MACROD2: variants seen among roughly 807,000 people sequenced by gnomAD.
The protein encoded by MACROD2 is ADP-ribose glycohydrolase MACROD2.
In MACROD2, 36 loss-of-function variants were observed where a neutral mutation model predicts 70.4. That is an observed-to-expected ratio of 0.51 (90% confidence interval 0.39 to 0.68). MACROD2 has a LOEUF of 0.68. MACROD2 is among the 30% of genes least tolerant of loss of function. The probability of loss-of-function intolerance (pLI) is 0.00; values close to 1 mark genes in which losing one functional copy is unlikely to be tolerated. For missense variants in MACROD2, 496 were observed against 538.4 expected (o/e 0.92, Z 0.78); for synonymous variants, 172 against 178.8 (o/e 0.96, Z 0.30).
intron 5 of MACROD2, among the ~76,000 whole-genome samples, chr20:15,045,744 T>C (rs368911293): frequency 1.6e-4 from 22 of 134,718 alleles, no homozygotes; most frequent in African/African-American, 5.3e-4. Flanking sequence ...TTTTTTTTTT[T>C]CCCTTTCTGA....
At chr20:15,449,122 C>T (rs2046606881) in intron 7 of MACROD2, among the ~76,000 whole-genome samples, 1 of 152,068 alleles carries the variant, frequency 6.6e-6, no homozygotes, top group South Asian at 2.1e-4. Context: ...AAACTGGGGA[C>T]CATGTGGCAT....
At chr20:14,989,520 G>C (rs1361626420) in intron 5 of MACROD2, among the ~76,000 whole-genome samples, 2 of 152,184 alleles carry the variant, frequency 1.3e-5, no homozygotes. Flanking sequence ...ACTCAAGAGA[G>C]AGTCAGGTGC....
intron 5 of MACROD2, among the ~76,000 whole-genome samples, chr20:15,109,550 G>T (rs1161155821): frequency 6.6e-6 from 1 of 152,118 alleles, no homozygotes; most frequent in Non-Finnish European, 1.5e-5. Context: ...AACAAAATGG[G>T]ATATGTCATT....
At chr20:15,759,023 C>T (rs1167784367) in intron 8 of MACROD2, among the ~76,000 whole-genome samples, 3 of 151,410 alleles carry the variant, frequency 2.0e-5, no homozygotes, top group Non-Finnish European at 2.9e-5. Flanking sequence ...TGGCAGGGGC[C>T]TATAATCCCA....
intron 2 of MACROD2, among the ~76,000 whole-genome samples, chr20:14,058,701 T>A (rs1467624609): frequency 6.6e-6 from 1 of 150,474 alleles, no homozygotes; most frequent in African/African-American, 2.5e-5. Flanking sequence ...TGGAGTGCAG[T>A]GGCGTGATCT....
At chr20:14,806,144 T>G (rs1248362462) in intron 5 of MACROD2, among the ~76,000 whole-genome samples, 4 of 152,110 alleles carry the variant, frequency 2.6e-5, no homozygotes, top group Non-Finnish European at 5.9e-5. Flanking sequence ...AATGTGGCCA[T>G]GAAAATGACA....
At chr20:15,405,449 C>T (rs994401309) in intron 6 of MACROD2, among the ~76,000 whole-genome samples, 1 of 152,142 alleles carries the variant, frequency 6.6e-6, no homozygotes, top group African/African-American at 2.4e-5. Context: ...TGGTGTGGCC[C>T]AGCCTCCAGG....
intron 8 of MACROD2, among the ~76,000 whole-genome samples, chr20:15,669,517 C>T (rs1442566562): frequency 1.3e-5 from 2 of 152,170 alleles, no homozygotes; most frequent in Non-Finnish European, 2.9e-5. Context: ...CCCCCCAACT[C>T]CTGCTCCCTG....
rs182327138 is a variant in MACROD2, at chr20:14,906,509, G to T, written c.418+221550G>T. 4.0e-5 allele frequency among the ~76,000 whole-genome samples: 6 copies of T among 150,940 alleles called. No individual in the cohort carries two copies. In the East Asian group the frequency reaches 9.8e-4, roughly 25 times the overall value. On this transcript the variant is annotated intron_variant, in intron 5 of 17. Coordinates refer to ENST00000684519, the MANE Select transcript of MACROD2 (RefSeq NM_001351661.2). ...ACTCAGTCACCAAAAGAAAAGAAAA[G>T]AAAAAAAAATCAGCACTAGCAATGA...
At chr20:14,749,086 A>G (rs1236850094) in intron 5 of MACROD2, among the ~76,000 whole-genome samples, 1 of 152,118 alleles carries the variant, frequency 6.6e-6, no homozygotes, top group Non-Finnish European at 1.5e-5. Context: ...TACAAATAAT[A>G]GTTAACATAG....
intron 3 of MACROD2, among the ~76,000 whole-genome samples, chr20:14,275,167 C>A (rs1314890776): frequency 6.6e-6 from 1 of 152,016 alleles, no homozygotes; most frequent in Non-Finnish European, 1.5e-5. Context: ...GAGCCCGCAT[C>A]GCCAAGTCAA....
rs1328629313 is a variant in MACROD2 at position 14,237,659 on chromosome 20, A to C, written c.271+151931A>C. Among the ~76,000 whole-genome samples the C allele has an allele frequency of 3.3e-5, 5 of 151,714 alleles. No individual in the cohort carries two copies. The South Asian group carries it at 1.0e-3, about 32-fold the overall frequency. On this transcript the variant is annotated intron_variant, in intron 3 of 17. Transcript: ENST00000684519. ...TGCACCCATTAACTTGTCATTTAGC[A>C]TTAGGTATATCTCCTAATGCTATCC...
chr20:14,981,062 ATG>A (rs146564172), intron 5 of MACROD2, among the ~76,000 whole-genome samples: 4 of 141,600 alleles, frequency 2.8e-5, no homozygotes, highest in Admixed American at 7.0e-5. Context: ...GCATGTGTGT[ATG>A]TGTGTGTGTG....
chr20:14,081,138 C>G (rs906039262), intron 2 of MACROD2, among the ~76,000 whole-genome samples: 26 of 152,196 alleles, frequency 1.7e-4, no homozygotes, highest in Non-Finnish European at 1.5e-4. Flanking sequence ...TCAGATCACT[C>G]TTGATACTTG....
intron 5 of MACROD2, among the ~76,000 whole-genome samples, chr20:15,084,016 G>T (rs903065752): frequency 6.7e-6 from 1 of 150,240 alleles, no homozygotes; most frequent in African/African-American, 2.4e-5. Flanking sequence ...GGATTCTTAT[G>T]AGCACATTCT....
chr20:14,489,025 C>A lies in MACROD2; in HGVS notation c.272-4454C>A, dbSNP rs1210922756. Among the ~76,000 whole-genome samples the A allele has an allele frequency of 3.3e-5, 5 of 152,154 alleles. No individual in the cohort carries two copies. In the South Asian group the frequency reaches 1.0e-3, roughly 31 times the overall value. On this transcript the variant is annotated intron_variant, in intron 3 of 17. Transcript: ENST00000684519. ...GGTCATTGTATTCTATTTTTGGCTT[C>A]ATAGTGAATGACAGCTTGTACAAAC...
At chr20:15,589,852 A>G (rs2146665801) in intron 8 of MACROD2, among the ~76,000 whole-genome samples, 1 of 152,302 alleles carries the variant, frequency 6.6e-6, no homozygotes, top group Non-Finnish European at 1.5e-5. Context: ...TTGATAACTC[A>G]TTTATTTGTA....
At chr20:14,980,722 G>T (rs957007507) in intron 5 of MACROD2, among the ~76,000 whole-genome samples, 1 of 152,102 alleles carries the variant, frequency 6.6e-6, no homozygotes, top group Non-Finnish European at 1.5e-5. Flanking sequence ...GTAACTGGTT[G>T]CCATTTTTAT....
At chr20:15,083,125 G>A (rs183258647) in intron 5 of MACROD2, among the ~76,000 whole-genome samples, 1 of 152,218 alleles carries the variant, frequency 6.6e-6, no homozygotes, top group East Asian at 1.9e-4. Context: ...TTCTACCAAT[G>A]GACTTCCTTG....
Sources: gnomAD v4.1 joint callset for allele counts (sites outside exome capture counted in the v4.1 genomes callset) on GRCh38, gnomAD v4.1.1 for gene constraint, MANE v1.5 for transcripts, NCBI Gene and HGNC (gene_info 2026-07-23, HGNC 2026-07-21) for gene names.